CMPK2: variants seen among roughly 807,000 people sequenced by gnomAD.
CMPK2 encodes UMP-CMP kinase 2, mitochondrial.
CMPK2 carries 32 observed loss-of-function variants against 33.4 expected under a neutral mutation model. The observed-to-expected ratio is 0.96, with a 90% CI of 0.72 to 1.29. The LOEUF (loss-of-function observed/expected upper bound fraction) is 1.29. CMPK2 is among the 50% of genes most tolerant of loss of function. CMPK2 has a pLI of 0.00. For synonymous variants in CMPK2, 299 were observed against 275.3 expected (o/e 1.09, Z -0.85); for missense variants, 672 against 616.0 (o/e 1.09, Z -0.96).
chr2:6,845,123 T>C (rs1387327577), downstream of CMPK2, among the ~76,000 whole-genome samples: 2 of 152,280 alleles, frequency 1.3e-5, no homozygotes, highest in African/African-American at 2.4e-5. Context: ...CAAAGAAAGC[T>C]TGTATATAGT....
chr2:6,866,516 A>G, upstream of CMPK2: 1 of 982,822 alleles, frequency 1.0e-6, no homozygotes. Flanking sequence ...GGCACCTCGA[A>G]ATCGCCTTTC....
In CMPK2 at chr2:6,849,790, T is replaced by C. The variant is rs541689551; in HGVS notation, c.*60A>G. ...TTTGGGAACACTGCATAACAAATGG[T>C]GGATGTAGATGTTTCAAACAACATC... On this transcript the variant is annotated 3_prime_UTR_variant, in exon 5 of 5. Transcript: ENST00000256722. 2.7e-5 allele frequency: 44 copies of C among 1,605,186 alleles called. No individual in the cohort carries two copies. Among genetic ancestry groups the C allele is most frequent in the Non-Finnish European group, 3.5e-5 (41 of 1,177,540 alleles).
intron 3 of CMPK2, among the ~76,000 whole-genome samples, chr2:6,857,228 G>C (rs578028338): frequency 1.1e-4 from 16 of 152,068 alleles, no homozygotes; most frequent in Non-Finnish European, 2.2e-4. Context: ...TCATCGTGAT[G>C]TAAGTTCAGT....
intron 1 of CMPK2, 93 bp downstream of exon 1, chr2:6,864,929 G>T: frequency 7.5e-7 from 1 of 1,333,648 alleles, no homozygotes; most frequent in Non-Finnish European, 9.6e-7. Flanking sequence ...ACCCAGGCAA[G>T]AACCGGCTCT....
At chr2:6,842,096 C>T (rs72779777) in intron 3 of CMPK2, among the ~76,000 whole-genome samples, 2,270 of 152,254 alleles carry the variant, frequency 0.015, 35 homozygotes, top group Middle Eastern at 0.02. Flanking sequence ...CATACCCTGC[C>T]CTACAGGTTC....
At chr2:6,860,891 G>A (rs1364799131) in intron 3 of CMPK2, among the ~76,000 whole-genome samples, 2 of 152,216 alleles carry the variant, frequency 1.3e-5, no homozygotes, top group South Asian at 2.1e-4. Context: ...GAGATCTATA[G>A]TTCTCATCAG....
At chr2:6,855,646 T>C (rs568693799) in intron 3 of CMPK2, among the ~76,000 whole-genome samples, 61 of 152,310 alleles carry the variant, frequency 4.0e-4, no homozygotes, top group Middle Eastern at 6.8e-3. Flanking sequence ...ATCCTAAGAT[T>C]CCATGTAACT....
In CMPK2 at chr2:6,865,497, C is replaced by A; in HGVS notation, c.200G>T (p.Gly67Val). The change falls in exon 1 of 5, where the codon GGG (glycine) becomes GTG (valine). Residue 67 changes from glycine (G) to valine (V), a missense_variant. Gly to Val is a moderately radical substitution (Grantham distance 109). Coordinates refer to ENST00000256722, the MANE Select transcript of CMPK2 (RefSeq NM_207315.4). The stretch of plus-strand genomic sequence containing the variant: ...CAGCGAGTAGCTGCGCTCCGGGGGC[C>A]CCAGCAGCGCCGCCAGGCGGGGGTC... ...APDPRLAALL[G>V]PPERSYSLCV... The A allele has an allele frequency of 7.9e-7, 1 of 1,270,360 alleles. No homozygotes were observed. The highest frequency in any genetic ancestry group is 9.9e-7 in the Non-Finnish European group (1 of 1,013,154). 78.7% of individuals were successfully genotyped at this position (1,270,360 alleles called of 1,614,324 possible).
At chr2:6,843,726 T>C (rs1227691019), downstream of CMPK2, among the ~76,000 whole-genome samples, 2 of 152,068 alleles carry the variant, frequency 1.3e-5, no homozygotes, top group Admixed American at 6.5e-5. Context: ...CATGAGTAAA[T>C]AGCAATTCCC....
At chr2:6,863,201 C>A (rs189907805) in intron 2 of CMPK2, among the ~76,000 whole-genome samples, 1 of 152,152 alleles carries the variant, frequency 6.6e-6, no homozygotes, top group Non-Finnish European at 1.5e-5. Context: ...GCACTCCACC[C>A]GACAAAGCCC....
At chr2:6,860,316 T>C (rs1205170055) in intron 3 of CMPK2, among the ~76,000 whole-genome samples, 2 of 152,168 alleles carry the variant, frequency 1.3e-5, no homozygotes, top group Non-Finnish European at 2.9e-5. Flanking sequence ...TAAGGCATGA[T>C]TGGTTTTGAA....
chr2:6,865,116 G>C lies in CMPK2; in HGVS notation c.581C>G (p.Pro194Arg), dbSNP rs1435074659. The change falls in exon 1 of 5, where the codon CCC becomes CGC. Residue 194 changes from proline (P) to arginine (R), a missense_variant. Pro to Arg is a moderately radical substitution (Grantham distance 103). Coordinates refer to ENST00000256722, the MANE Select transcript of CMPK2 (RefSeq NM_207315.4). ...RLQVGCAQVVPVPEPPLHPVV... is the reference protein window; with the variant it reads ...RLQVGCAQVVRVPEPPLHPVV... Reference sequence around the variant, plus strand: ...CGGGTGCAGCGGGGGCTCCGGGACGGGCACGACCTGTGCGCAGCCCACCTG... The same window carrying C: ...CGGGTGCAGCGGGGGCTCCGGGACGCGCACGACCTGTGCGCAGCCCACCTG... 1 of 1,515,042 alleles carries C rather than the reference G, an allele frequency of 6.6e-7. No individual in the cohort carries two copies. The highest frequency in any genetic ancestry group is 2.1e-5 in the Admixed American group (1 of 48,204). The allele number at this position is 1,515,042 out of a possible 1,614,324, so 93.8% of individuals were successfully genotyped here.
In CMPK2 at chr2:6,865,522, C is replaced by CG; in HGVS notation, c.174dup (p.Asp59ArgfsTer81). The CG allele has an allele frequency of 7.8e-7, 1 of 1,289,668 alleles. No homozygotes were observed. The highest frequency in any genetic ancestry group is 2.4e-5 in the South Asian group (1 of 41,854). The allele number at this position is 1,289,668 out of a possible 1,614,324, so 79.9% of individuals were successfully genotyped here. ...CCCAGCAGCGCCGCCAGGCGGGGGT[C>CG]GGGGGCGTCTGCGTCGCCGGGGGCG... On this transcript the variant is annotated frameshift_variant, in exon 1 of 5. Transcript: ENST00000256722. LOFTEE classifies it high-confidence loss of function.
Position 6,849,432 on chromosome 2 carries a change from T to C in CMPK2, c.*418A>G. ...TGTGGAAGAAGCCAATGTGGGCATG[T>C]CACGATCTCATCAGCATGCCAGTGT... On this transcript the variant is annotated 3_prime_UTR_variant, in exon 5 of 5. Transcript: ENST00000256722. 1 of 1,000,944 alleles carries C rather than the reference T, an allele frequency of 1.0e-6. No individual in the cohort carries two copies. The highest frequency in any genetic ancestry group is 4.3e-5 in the South Asian group (1 of 23,282). The allele number at this position is 1,000,944 out of a possible 1,614,324, so 62.0% of individuals were successfully genotyped here.
chr2:6,849,740 A>G lies in CMPK2; in HGVS notation c.*110T>C. 1 of 1,545,588 alleles carries G rather than the reference A, an allele frequency of 6.5e-7. No individual in the cohort carries two copies. The highest frequency in any genetic ancestry group is 8.7e-7 in the Non-Finnish European group (1 of 1,154,726). On this transcript the variant is annotated 3_prime_UTR_variant, in exon 5 of 5. Transcript: ENST00000256722. ...GATGCCTGGTCTCCAGTTTTCTGCC[A>G]CACAACATGCTTGTAGAACAGAAAT...
intron 3 of CMPK2, among the ~76,000 whole-genome samples, chr2:6,858,524 C>A (rs1662782061): frequency 6.6e-6 from 1 of 152,122 alleles, no homozygotes; most frequent in African/African-American, 2.4e-5. Flanking sequence ...GTTGGAGGGA[C>A]CCAGTGGGAG....
Position 6,851,553 on chromosome 2 carries a change from G to A in CMPK2, c.1123C>T (p.Leu375Phe). The change falls in exon 4 of 5, where the codon CTC (leucine) becomes TTC (phenylalanine). Residue 375 changes from leucine (L) to phenylalanine (F), a missense_variant. Physicochemically the swap from Leu to Phe is conservative, Grantham distance 22. Coordinates refer to ENST00000256722, the MANE Select transcript of CMPK2 (RefSeq NM_207315.4). ...AACCTCTCCTCAGGACTCACAGTGA[G>A]CAGCAGGATAAGGTCAGGTTTGAGC... ...DLLKPDLILL[L>F]TVSPEERLQR... The A allele has an allele frequency of 1.2e-6, 2 of 1,614,224 alleles. No individual in the cohort carries two copies. The highest frequency in any genetic ancestry group is 1.6e-4 in the Middle Eastern group (1 of 6,062).
At position 6,849,907 on chromosome 2, in the gene CMPK2, T is replaced by G. The variant is rs769460002; in HGVS notation, c.1293A>C (p.Arg431Ser). The G allele has an allele frequency of 5.0e-6, 8 of 1,614,056 alleles. No homozygotes were observed. The African/African-American group carries it at 1.1e-4, about 22-fold the overall frequency. Residue 431 changes from arginine to serine, a missense_variant, in exon 5 of 5, where the codon AGA (arginine) becomes AGC (serine). By Grantham distance (110) the Arg-to-Ser change is moderately radical (BLOSUM62 -1). Transcript: ENST00000256722. ...GCHVVDASPSREKVLQTVLSL... is the reference protein window; with the variant it reads ...GCHVVDASPSSEKVLQTVLSL... ...TTAATACCGTCTGCAGGACCTTTTCTCTGGAGGGGCTGGCATCAACCACAT... is the reference window on the plus strand; with the variant it reads ...TTAATACCGTCTGCAGGACCTTTTCGCTGGAGGGGCTGGCATCAACCACAT...
downstream of CMPK2, among the ~76,000 whole-genome samples, chr2:6,845,860 T>G (rs1362193434): frequency 6.6e-6 from 1 of 152,212 alleles, no homozygotes; most frequent in Admixed American, 6.5e-5. Flanking sequence ...GTGCCTCAAA[T>G]GAGCATAAGA....
Sources: allele counts gnomAD v4.1 joint callset (sites outside exome capture counted in the v4.1 genomes callset), GRCh38; gene constraint gnomAD v4.1.1; transcripts MANE v1.5; gene names NCBI Gene and HGNC (gene_info 2026-07-23, HGNC 2026-07-21).